Variants in POLA1 observed in about 807,000 individuals in gnomAD.
POLA1 encodes the protein DNA polymerase alpha 1, catalytic subunit, also known as DNA polymerase alpha catalytic subunit.
In POLA1, 15 loss-of-function variants were observed where a neutral mutation model predicts 124.0. The ratio of observed to expected loss-of-function variants is 0.12; its 90% CI spans 0.08 to 0.19. The LOEUF is 0.19. POLA1 is among the 10% of genes least tolerant of loss of function. The pLI, the probability that POLA1 is intolerant of heterozygous loss-of-function variation, is 1.00. For missense variants in POLA1, 886 were observed against 1,103.4 expected (o/e 0.80, Z 2.79); for synonymous variants, 408 against 389.4 (o/e 1.05, Z -0.56).
At chrX:24,699,666 G>A in intron 2 of POLA1, 117 bp downstream of exon 2, 1 of 535,160 alleles carries the variant, frequency 1.9e-6, no homozygotes, top group Non-Finnish European at 2.7e-6. Flanking sequence ...TAAACTTTTT[G>A]TAATGGGAAT....
chrX:24,724,295 T>C (rs747774794), intron 11 of POLA1, 40 bp from the exon 12 acceptor site: 1 of 661,571 alleles, frequency 1.5e-6, no homozygotes, highest in Non-Finnish European at 2.4e-6. Context: ...TATGTACAGA[T>C]ACTTTTTTTT....
At chrX:24,744,471 A>G (rs747472313) in intron 23 of POLA1, 6 of 341,251 alleles carry the variant, frequency 1.8e-5, no homozygotes, top group Non-Finnish European at 1.1e-5. Flanking sequence ...GTTTCTTCTC[A>G]AGGTGAAGAT....
At chrX:24,799,542 G>T (rs6629916) in intron 26 of POLA1, among the ~76,000 whole-genome samples, 1 of 112,171 alleles carries the variant, frequency 8.9e-6, no homozygotes, top group Non-Finnish European at 1.9e-5. Context: ...CCAGCCTGAC[G>T]CCTTCTTCTC....
intron 26 of POLA1, among the ~76,000 whole-genome samples, chrX:24,757,956 C>T (rs1035382788): frequency 4.5e-5 from 5 of 111,400 alleles, no homozygotes; most frequent in African/African-American, 1.6e-4. Context: ...ATCTGCAGAT[C>T]GTTTATATTG....
chrX:24,731,671 G>C (rs962118442), intron 15 of POLA1, among the ~76,000 whole-genome samples: 1 of 110,726 alleles, frequency 9.0e-6, no homozygotes, highest in Admixed American at 9.6e-5. Flanking sequence ...TGGGGATGCT[G>C]CTAACATCAT....
chrX:24,878,748 AT>A (rs1456949596), intron 34 of POLA1, among the ~76,000 whole-genome samples: 16 of 104,499 alleles, frequency 1.5e-4, no homozygotes, highest in East Asian at 5.7e-4. Flanking sequence ...AAAAAAAAAA[AT>A]TTTTTTTAAG....
intron 34 of POLA1, among the ~76,000 whole-genome samples, chrX:24,853,831 A>T (rs1014266577): frequency 1.3e-4 from 15 of 112,100 alleles, no homozygotes; most frequent in African/African-American, 4.9e-4. Flanking sequence ...TTCAGCTTGC[A>T]GCTCAGACAG....
At chrX:24,935,866 A>G (rs1009818956) in intron 36 of POLA1, among the ~76,000 whole-genome samples, 1 of 112,782 alleles carries the variant, frequency 8.9e-6, no homozygotes, top group Non-Finnish European at 1.9e-5. Flanking sequence ...CATTATATTG[A>G]TGAAGAAATT....
At chrX:24,882,611 C>A (rs1265591247) in intron 34 of POLA1, among the ~76,000 whole-genome samples, 1 of 110,462 alleles carries the variant, frequency 9.1e-6, no homozygotes, top group Non-Finnish European at 1.9e-5. Context: ...GCATGATGGC[C>A]TCCAGCTGCA....
intron 36 of POLA1, among the ~76,000 whole-genome samples, chrX:24,981,356 C>A (rs1040800951): frequency 8.9e-6 from 1 of 112,069 alleles, no homozygotes; most frequent in Non-Finnish European, 1.9e-5. Context: ...GACCTTCCCC[C>A]CTCCAGCCCC....
chrX:24,983,548 A>G (rs980876114), intron 36 of POLA1, among the ~76,000 whole-genome samples: 7 of 112,297 alleles, frequency 6.2e-5, no homozygotes, highest in South Asian at 3.7e-4. Context: ...TGGCCCATCA[A>G]TCAGTATTGT....
intron 35 of POLA1, among the ~76,000 whole-genome samples, 163 bp downstream of exon 35, chrX:24,888,285 C>G (rs1234667734): frequency 8.9e-6 from 1 of 112,020 alleles, no homozygotes; most frequent in Non-Finnish European, 1.9e-5. Flanking sequence ...TACATGCTTT[C>G]TTTTTTTCAC....
chrX:24,906,678 AT>A (rs747822229), intron 35 of POLA1, among the ~76,000 whole-genome samples: 4 of 110,175 alleles, frequency 3.6e-5, no homozygotes, highest in South Asian at 3.9e-4. Flanking sequence ...TATTGAAATA[AT>A]TTTTTTTTAA....
intron 26 of POLA1, among the ~76,000 whole-genome samples, chrX:24,783,290 T>G (rs944511141): frequency 1.8e-5 from 2 of 111,858 alleles, no homozygotes; most frequent in African/African-American, 6.5e-5. Context: ...GTTTGCAGGT[T>G]CCTTGGAGGC....
chrX:24,835,150 C>T (rs750012703), intron 32 of POLA1, among the ~76,000 whole-genome samples: 3 of 109,061 alleles, frequency 2.8e-5, no homozygotes, highest in South Asian at 8.1e-4. Context: ...CAGGTTCAAG[C>T]GATTCTCCTG....
intron 35 of POLA1, among the ~76,000 whole-genome samples, chrX:24,904,814 C>T (rs1222059237): frequency 9.0e-6 from 1 of 111,138 alleles, no homozygotes; most frequent in Non-Finnish European, 1.9e-5. Flanking sequence ...CACTCGAGGT[C>T]AGGAGTTCGA....
At chrX:24,868,094 A>C (rs190585961) in intron 34 of POLA1, among the ~76,000 whole-genome samples, 5 of 112,014 alleles carry the variant, frequency 4.5e-5, no homozygotes, top group Non-Finnish European at 7.5e-5. Flanking sequence ...CTTAGGTTGC[A>C]TTGAGTAATG....
Position 24,826,593 on chromosome X carries a change from C to T in POLA1, c.3728C>T (p.Thr1243Met), listed in dbSNP as rs759425597. ...GGAATTGATGCTGTCCTCATTGCAA[C>T]GTGGTTGGGTAAGTGTCCCAAGCTC... ...IDGIDAVLIA[T>M]WLGLDPTQFR... Residue 1243 changes from threonine (T) to methionine (M), a missense_variant, in exon 32 of 37, where the codon ACG (threonine) becomes ATG (methionine). By Grantham distance (81) the Thr-to-Met change is moderately conservative. This residue lies in a region of POLA1 where 313 missense variants were observed against 359.7 expected (regional missense o/e 0.87). Coordinates refer to ENST00000379068, the MANE Select transcript of POLA1 (RefSeq NM_001330360.2). 5.5e-5 allele frequency: 65 copies of T among 1,189,565 alleles called. No individual in the cohort carries two copies. The highest frequency in any genetic ancestry group is 2.3e-4 in the Middle Eastern group (1 of 4,306).
intron 32 of POLA1, among the ~76,000 whole-genome samples, chrX:24,833,232 A>G (rs1280314903): frequency 9.0e-6 from 1 of 111,727 alleles, no homozygotes; most frequent in Non-Finnish European, 1.9e-5. Context: ...TGTGAATGTC[A>G]TATTTTTTTT....
Sources: allele counts gnomAD v4.1 joint callset (sites outside exome capture counted in the v4.1 genomes callset), GRCh38; gene constraint gnomAD v4.1.1; regional missense constraint gnomAD v4.1.1; transcripts MANE v1.5; gene names NCBI Gene and HGNC (gene_info 2026-07-23, HGNC 2026-07-21).